The following DENND4C variants were observed in gnomAD, a reference collection of about 807,000 sequenced individuals.
DENND4C encodes DENN domain containing 4C, also known as DENN domain-containing protein 4C.
In DENND4C, 108 loss-of-function variants were observed where a neutral mutation model predicts 203.0. The observed-to-expected ratio is 0.53, with a 90% CI of 0.46 to 0.62. The LOEUF (loss-of-function observed/expected upper bound fraction) is 0.62. Among genes scored for constraint, DENND4C ranks in the 20% least tolerant of loss-of-function variants. The pLI is 0.00. For missense variants in DENND4C, 2,481 were observed against 2,301.2 expected (o/e 1.08, Z -1.60); for synonymous variants, 871 against 792.4 (o/e 1.10, Z -1.67).
At position 19,346,012 on chromosome 9, in the gene DENND4C, A is replaced by C. The variant is rs1329018442; in HGVS notation, c.3243A>C (p.Arg1081Ser). The C allele has an allele frequency of 6.2e-7, 1 of 1,614,156 alleles. No individual in the cohort carries two copies. The highest frequency in any genetic ancestry group is 8.5e-7 in the Non-Finnish European group (1 of 1,180,040). The change falls in exon 23 of 33, where the codon AGA (arginine) becomes AGC (serine). Residue 1081 changes from arginine to serine, a missense_variant. Physicochemically the swap from Arg to Ser is moderately radical, Grantham distance 110. Transcript: ENST00000434457. ...EATNLKKNGD[R>S]GEKRQKHFPE... ...CTAATCTCAAGAAGAATGGTGATAG[A>C]GGAGAAAAAAGACAAAAGCATTTTC...
In DENND4C at chr9:19,352,681, G is replaced by A; in HGVS notation, c.4781+16G>A. ...GTTCTGCAAGGTTAGTCTTATAAAA[G>A]CTCTCTCAAGAAGTAAGTACCCTCA... On this transcript the variant is annotated intron_variant, in intron 26 of 32. Coordinates refer to ENST00000434457, the MANE Select transcript of DENND4C (RefSeq NM_001330640.2). 2 of 1,553,868 alleles carry A rather than the reference G, an allele frequency of 1.3e-6. No homozygotes were observed. Among genetic ancestry groups the A allele is most frequent in the Non-Finnish European group, 1.7e-6 (2 of 1,146,876 alleles).
chr9:19,264,407 A>C (rs1027633625), intron 1 of DENND4C, among the ~76,000 whole-genome samples: 2 of 152,044 alleles, frequency 1.3e-5, no homozygotes, highest in Non-Finnish European at 2.9e-5. Context: ...CCCAGGTTCA[A>C]GTGATTCTCC....
At chr9:19,278,398 G>A (rs547180792) in intron 2 of DENND4C, among the ~76,000 whole-genome samples, 2 of 152,084 alleles carry the variant, frequency 1.3e-5, no homozygotes, top group South Asian at 2.1e-4. Context: ...CAAAGTGCTG[G>A]GGTTACAAGC....
At chr9:19,304,855 T>G (rs1194844267) in intron 9 of DENND4C, among the ~76,000 whole-genome samples, 3 of 151,714 alleles carry the variant, frequency 2.0e-5, no homozygotes, top group Non-Finnish European at 4.4e-5. Flanking sequence ...GGCCATGAAT[T>G]TTTTTTTGTT....
intron 1 of DENND4C, among the ~76,000 whole-genome samples, chr9:19,241,400 A>G (rs1018291987): frequency 6.6e-6 from 1 of 151,668 alleles, no homozygotes; most frequent in African/African-American, 2.4e-5. Flanking sequence ...TTTTTTAGAG[A>G]TAGAGTCTCG....
At chr9:19,366,827 ACAAT>A (rs1827782104) in intron 30 of DENND4C, among the ~76,000 whole-genome samples, 2 of 152,240 alleles carry the variant, frequency 1.3e-5, no homozygotes, top group African/African-American at 4.8e-5. Flanking sequence ...CAACAAAAGC[ACAAT>A]CAACAAAAGA....
rs369054550 is a variant in DENND4C at position 19,296,195 on chromosome 9, T to G, written c.989T>G (p.Met330Arg). The G allele has an allele frequency of 1.1e-5, 17 of 1,613,846 alleles. No individual in the cohort carries two copies. The Admixed American group carries it at 2.0e-4, about 19-fold the overall frequency. Residue 330 changes from methionine to arginine, a missense_variant, in exon 6 of 33, where the codon ATG becomes AGG. Met to Arg is a moderately conservative substitution (Grantham distance 91). Transcript: ENST00000434457. Reference protein sequence around the residue: ...PFFEAFRKFLMFIYKLSVSGP... With the variant: ...PFFEAFRKFLRFIYKLSVSGP... The stretch of plus-strand genomic sequence containing the variant: ...TTTGAAGCTTTTAGGAAATTTCTTA[T>G]GTTTATCTACAAACTTTCTGTGTCT...
chr9:19,335,918 T>G, intron 18 of DENND4C, among the ~76,000 whole-genome samples: 1 of 152,170 alleles, frequency 6.6e-6, no homozygotes, highest in East Asian at 1.9e-4. Flanking sequence ...TAGTTTTAAT[T>G]TTTTGAGGAA....
intron 12 of DENND4C, among the ~76,000 whole-genome samples, chr9:19,323,919 G>T (rs183636350): frequency 2.2e-4 from 33 of 152,300 alleles, no homozygotes; most frequent in African/African-American, 7.5e-4. Context: ...TCCAAAACCT[G>T]AGATGCTGCA....
At chr9:19,240,520 G>C (rs556388811) in intron 1 of DENND4C, among the ~76,000 whole-genome samples, 12 of 151,946 alleles carry the variant, frequency 7.9e-5, no homozygotes, top group African/African-American at 2.9e-4. Context: ...ACAAAAATTA[G>C]CCTGGCATAG....
Position 19,360,357 on chromosome 9 carries a change from T to A in DENND4C, c.5274T>A (p.Ile1758=). Residue 1758 remains isoleucine (I), a synonymous_variant, in exon 29 of 33, where the codon ATT becomes ATA. Transcript: ENST00000434457. ...TAGAAAATGAAGGTGATCAGGTGAT[T>A]CATACATCTTCTTTCATCAATCAAC... ...SLLENEGDQV[I]HTSSFINQHP... is the part of the protein sequence containing the mutation. 6.2e-7 allele frequency: 1 copy of A among 1,614,148 alleles called. No homozygotes were observed. The highest frequency in any genetic ancestry group is 1.3e-5 in the African/African-American group (1 of 75,044).
chr9:19,304,841 G>A (rs568747779), intron 9 of DENND4C, among the ~76,000 whole-genome samples: 9 of 151,128 alleles, frequency 6.0e-5, no homozygotes, highest in South Asian at 2.1e-4. Context: ...GAGCCACCGC[G>A]CCCGGCCATG....
At chr9:19,331,165 A>T (rs1024643552) in intron 16 of DENND4C, among the ~76,000 whole-genome samples, 1 of 152,150 alleles carries the variant, frequency 6.6e-6, no homozygotes, top group Non-Finnish European at 1.5e-5. Context: ...CATGACTATC[A>T]AACTATTAGG....
chr9:19,323,173 G>A (rs571759327), intron 12 of DENND4C, among the ~76,000 whole-genome samples: 2 of 152,156 alleles, frequency 1.3e-5, no homozygotes, highest in African/African-American at 2.4e-5. Flanking sequence ...AGTGGCTCAC[G>A]CCTGTAATCC....
At position 19,360,232 on chromosome 9, in the gene DENND4C, A is replaced by AT. The variant is rs762262701; in HGVS notation, c.5161-4dup. The AT allele has an allele frequency of 3.3e-5, 53 of 1,606,560 alleles. 1 individual carries two copies. The highest frequency in any genetic ancestry group is 1.3e-4 in the South Asian group (12 of 89,934). Reference sequence around the variant, plus strand: ...ACAGATAATATTAATTTCTTTTTGTATTTTTTTTAAGGATCCTTTAGGAAA... The same window carrying AT: ...ACAGATAATATTAATTTCTTTTTGTATTTTTTTTTAAGGATCCTTTAGGAAA... On this transcript the variant is annotated splice_polypyrimidine_tract_variant and intron_variant, in intron 28 of 32. Coordinates refer to ENST00000434457, the MANE Select transcript of DENND4C (RefSeq NM_001330640.2).
At position 19,324,351 on chromosome 9, in the gene DENND4C, G is replaced by A; in HGVS notation, c.1808-11G>A. On this transcript the variant is annotated splice_polypyrimidine_tract_variant and intron_variant, in intron 12 of 32. Transcript: ENST00000434457. ...TAAAATTTGAATTTAATTATATTTT[G>A]TTTTCCTCAGGATTTTTAAAAAGTC... 6.4e-7 allele frequency: 1 copy of A among 1,573,200 alleles called. No individual in the cohort carries two copies. The highest frequency in any genetic ancestry group is 8.6e-7 in the Non-Finnish European group (1 of 1,163,568).
At chr9:19,280,487 G>A (rs532427463) in intron 2 of DENND4C, among the ~76,000 whole-genome samples, 3 of 152,178 alleles carry the variant, frequency 2.0e-5, no homozygotes, top group Non-Finnish European at 4.4e-5. Context: ...AAGTTAAAAT[G>A]GGTGTAAACA....
chr9:19,275,055 C>T (rs1468680612), intron 1 of DENND4C, among the ~76,000 whole-genome samples: 1 of 151,116 alleles, frequency 6.6e-6, no homozygotes, highest in African/African-American at 2.4e-5. Flanking sequence ...TGGCTCACTG[C>T]AAACCTCTGC....
intron 10 of DENND4C, among the ~76,000 whole-genome samples, chr9:19,314,056 TG>T (rs1193924310): frequency 6.6e-6 from 1 of 151,772 alleles, no homozygotes; most frequent in African/African-American, 2.4e-5. Context: ...CACTGCAGCC[TG>T]GGCAACAGAA....
Sources: allele counts gnomAD v4.1 joint callset (sites outside exome capture counted in the v4.1 genomes callset), GRCh38; gene constraint gnomAD v4.1.1; transcripts MANE v1.5; gene names NCBI Gene and HGNC (gene_info 2026-07-23, HGNC 2026-07-21).